The following DDRGK1 variants were observed in gnomAD, a reference collection of about 807,000 sequenced individuals.
DDRGK1 encodes the protein DDRGK domain-containing protein 1.
In DDRGK1, 38 loss-of-function variants were observed where a neutral mutation model predicts 45.8. That is an observed-to-expected ratio of 0.83 (90% confidence interval 0.64 to 1.09). The LOEUF (loss-of-function observed/expected upper bound fraction) is 1.09. Ranked by LOEUF, DDRGK1 falls within the 50% of genes least tolerant of loss-of-function variation. The probability of loss-of-function intolerance (pLI) is 0.00; values close to 1 mark genes in which losing one functional copy is unlikely to be tolerated. For missense variants in DDRGK1, 403 were observed against 419.9 expected (o/e 0.96, Z 0.35); for synonymous variants, 171 against 168.7 (o/e 1.01, Z -0.11).
At chr20:3,198,171 G>A (rs34868732) in intron 4 of DDRGK1, among the ~76,000 whole-genome samples, 4,433 of 148,816 alleles carry the variant, frequency 0.03, 110 homozygotes, top group East Asian at 0.12. Flanking sequence ...ACTTTGGGAA[G>A]CCAAGGCAGG....
chr20:3,191,657 G>A (rs1316165776), intron 7 of DDRGK1, 108 bp downstream of exon 7: 1 of 1,286,032 alleles, frequency 7.8e-7, no homozygotes, highest in East Asian at 2.5e-5. Flanking sequence ...CTCTTGGTTG[G>A]GGACAAGGTA....
At position 3,203,344 on chromosome 20, in the gene DDRGK1, G is replaced by A; in HGVS notation, c.164C>T (p.Pro55Leu). The stretch of plus-strand genomic sequence containing the variant: ...CCTGCCTCCAGCTCTCGGCTCCTCA[G>A]GCTCCAGGGGCCCAGGCTGGGCCAC... ...GRVAQPGPLE[P>L]EEPRAGGRPR... Residue 55 changes from proline (P) to leucine (L), a missense_variant, in exon 2 of 9, where the codon CCT (proline) becomes CTT (leucine). Transcript: ENST00000354488. 6.2e-7 allele frequency: 1 copy of A among 1,608,814 alleles called. No homozygotes were observed. Among genetic ancestry groups the A allele is most frequent in the Non-Finnish European group, 8.5e-7 (1 of 1,177,328 alleles).
Position 3,204,671 on chromosome 20 carries a change from G to A in DDRGK1, c.-44C>T. 2.0e-6 allele frequency: 3 copies of A among 1,533,640 alleles called. No homozygotes were observed. Among genetic ancestry groups the A allele is most frequent in the Admixed American group, 2.0e-5 (1 of 50,514 alleles). On this transcript the variant is annotated 5_prime_UTR_variant, in exon 1 of 9. Transcript: ENST00000354488. ...GAACCACTGCGTCCACCCTGAGGCC[G>A]GGATCTCATAGGCCCCGCCCCTATT...
In DDRGK1 at chr20:3,190,413, C is replaced by A. The variant is rs771016276; in HGVS notation, c.*240G>T. 1.1e-3 allele frequency: 600 copies of A among 533,470 alleles called. 2 individuals are homozygous for A. The highest frequency in any genetic ancestry group is 1.7e-3 in the Non-Finnish European group (502 of 302,862). 33.0% of individuals were successfully genotyped at this position (533,470 alleles called of 1,614,324 possible). ...CATAATAAGAACAGGACTTCACCAG[C>A]TTCCAAGGGACCCTCCCCACCTCTC... On this transcript the variant is annotated 3_prime_UTR_variant, in exon 9 of 9. Transcript: ENST00000354488.
intron 6 of DDRGK1, among the ~76,000 whole-genome samples, chr20:3,192,895 A>C (rs1287676276): frequency 1.3e-5 from 2 of 152,156 alleles, no homozygotes; most frequent in Non-Finnish European, 2.9e-5. Flanking sequence ...GGCAAGCGAG[A>C]GGCAGCTGGG....
Position 3,190,535 on chromosome 20 carries a change from G to A in DDRGK1, c.*118C>T. ...CACACCAAGCTCAGCAGTACTCACA[G>A]GCCTTTAATCTATAACTGCCTGGCC... On this transcript the variant is annotated 3_prime_UTR_variant, in exon 9 of 9. Coordinates refer to ENST00000354488, the MANE Select transcript of DDRGK1 (RefSeq NM_023935.3). The A allele has an allele frequency of 1.1e-5, 14 of 1,297,624 alleles. No homozygotes were observed. Among genetic ancestry groups the A allele is most frequent in the Non-Finnish European group, 1.4e-5 (13 of 933,732 alleles). 80.4% of individuals were successfully genotyped at this position (1,297,624 alleles called of 1,614,324 possible).
Position 3,190,632 on chromosome 20 carries a change from T to C in DDRGK1, c.*21A>G. The C allele has an allele frequency of 6.2e-7, 1 of 1,612,086 alleles. No individual in the cohort carries two copies. The highest frequency in any genetic ancestry group is 1.1e-5 in the South Asian group (1 of 90,952). On this transcript the variant is annotated 3_prime_UTR_variant, in exon 9 of 9. Coordinates refer to ENST00000354488, the MANE Select transcript of DDRGK1 (RefSeq NM_023935.3). The stretch of plus-strand genomic sequence containing the variant: ...CCAGGTAGGCCACACCAACTCTGAG[T>C]CCAAGAGGGAAGGACTGGGGTCAGG...
chr20:3,204,516 T>G (rs1025721803), intron 1 of DDRGK1, 21 bp downstream of exon 1: 11 of 1,547,070 alleles, frequency 7.1e-6, no homozygotes, highest in Non-Finnish European at 9.5e-6. Flanking sequence ...CCACCAACCC[T>G]GGTGCAGCGG....
chr20:3,197,041 G>A (rs2067014133), intron 4 of DDRGK1, among the ~76,000 whole-genome samples: 1 of 151,842 alleles, frequency 6.6e-6, no homozygotes, highest in Non-Finnish European at 1.5e-5. Flanking sequence ...TGGCCAACAT[G>A]GTGAAACCTC....
chr20:3,194,978 G>C (rs1385310536), intron 5 of DDRGK1, 110 bp from the exon 6 acceptor site: 1 of 1,462,052 alleles, frequency 6.8e-7, no homozygotes, highest in East Asian at 2.4e-5. Context: ...CCTGCAGCCT[G>C]CCTTTGGCCC....
At chr20:3,191,348 C>T (rs1600469811) in intron 7 of DDRGK1, 110 bp from the exon 8 acceptor site, 7 of 1,246,424 alleles carry the variant, frequency 5.6e-6, no homozygotes, top group Non-Finnish European at 6.9e-6. Flanking sequence ...TCTCATGCCA[C>T]GCCCAAATGT....
chr20:3,195,246 G>T lies in DDRGK1; in HGVS notation c.618C>A (p.Thr206=). 6.2e-7 allele frequency: 1 copy of T among 1,614,044 alleles called. No individual in the cohort carries two copies. The highest frequency in any genetic ancestry group is 8.5e-7 in the Non-Finnish European group (1 of 1,179,982). Residue 206 remains threonine, a synonymous_variant, in exon 5 of 9, where the codon ACC becomes ACA. Coordinates refer to ENST00000354488, the MANE Select transcript of DDRGK1 (RefSeq NM_023935.3). ...GCAGGCCCACCTGTTCCTCAGTCAT[G>T]GTCTCTCCTACGCCTTCCTCCTCCA... ...FVVEEEGVGE[T]MTEEQSQSFL...
In DDRGK1 at chr20:3,195,296, G is replaced by A. The variant is rs6084292; in HGVS notation, c.568C>T (p.Leu190=). 1 of 1,613,638 alleles carries A rather than the reference G, an allele frequency of 6.2e-7. No homozygotes were observed. Among genetic ancestry groups the A allele is most frequent in the Non-Finnish European group, 8.5e-7 (1 of 1,179,750 alleles). Residue 190 remains leucine (L), a synonymous_variant, in exon 5 of 9, where the codon CTG becomes TTG. Coordinates refer to ENST00000354488, the MANE Select transcript of DDRGK1 (RefSeq NM_023935.3). ...EQAQREHEEY[L]KLKEAFVVEE... is the part of the protein sequence containing the mutation. ...ACCACAAAGGCCTCCTTCAGTTTCA[G>A]GTACTCCTCATGCTCCCGCTGGGCC...
At chr20:3,194,988 C>G (rs767401987) in intron 5 of DDRGK1, 120 bp from the exon 6 acceptor site, 1 of 1,410,592 alleles carries the variant, frequency 7.1e-7, no homozygotes, top group African/African-American at 1.4e-5. Flanking sequence ...GCCTTTGGCC[C>G]GCCCAACCAC....
At chr20:3,200,668 T>G (rs981910146) in intron 2 of DDRGK1, among the ~76,000 whole-genome samples, 1 of 152,072 alleles carries the variant, frequency 6.6e-6, no homozygotes, top group African/African-American at 2.4e-5. Context: ...GAGGGGCCCA[T>G]AGGGCAAGGG....
intron 2 of DDRGK1, among the ~76,000 whole-genome samples, chr20:3,201,833 T>C (rs2067041477): frequency 6.7e-6 from 1 of 150,318 alleles, no homozygotes; most frequent in Admixed American, 6.7e-5. Context: ...GATTTTTTTA[T>C]TTTTATTTTT....
At chr20:3,197,829 C>G (rs1452437065) in intron 4 of DDRGK1, among the ~76,000 whole-genome samples, 1 of 150,190 alleles carries the variant, frequency 6.7e-6, no homozygotes, top group Non-Finnish European at 1.5e-5. Context: ...GCTTGGGAGG[C>G]TGAAGCAGGA....
In DDRGK1 at chr20:3,195,331, C is replaced by A. The variant is rs372700265; in HGVS notation, c.533G>T (p.Arg178Leu). ...ATGCTCCCGCTGGGCCTGCTCCTCG[C>A]GGGCCTTCCTCTCCTCCTCCTCCTG... Reference protein sequence around the residue: ...EQKEEEERKAREEQAQREHEE... With the variant: ...EQKEEEERKALEEQAQREHEE... Residue 178 changes from arginine (R) to leucine (L), a missense_variant, in exon 5 of 9, where the codon CGC becomes CTC. Physicochemically the swap from Arg to Leu is moderately radical, Grantham distance 102 (BLOSUM62 -2). Coordinates refer to ENST00000354488, the MANE Select transcript of DDRGK1 (RefSeq NM_023935.3). 3 of 1,607,170 alleles carry A rather than the reference C, an allele frequency of 1.9e-6. No individual in the cohort carries two copies. Among genetic ancestry groups the A allele is most frequent in the Non-Finnish European group, 2.5e-6 (3 of 1,176,536 alleles).
At chr20:3,203,447 C>A in intron 1 of DDRGK1, 31 bp from the exon 2 acceptor site, 1 of 1,508,940 alleles carries the variant, frequency 6.6e-7, no homozygotes, top group Non-Finnish European at 8.9e-7. Flanking sequence ...ACAATGCTGC[C>A]TATAAGCCCA....
Sources: gnomAD v4.1 joint callset for allele counts (sites outside exome capture counted in the v4.1 genomes callset) on GRCh38, gnomAD v4.1.1 for gene constraint, MANE v1.5 for transcripts, NCBI Gene and HGNC (gene_info 2026-07-23, HGNC 2026-07-21) for gene names.